Variants in HMGB1 observed in about 807,000 individuals in gnomAD.
HMGB1 encodes the protein high mobility group protein B1.
For missense variants in HMGB1, 79 were observed against 253.5 expected (o/e 0.31, Z 4.67); for synonymous variants, 81 against 84.0 (o/e 0.96, Z 0.19).
chr13:30,488,860 C>T (rs1887424266), intron 1 of HMGB1, among the ~76,000 whole-genome samples: 1 of 151,688 alleles, frequency 6.6e-6, no homozygotes, highest in African/African-American at 2.4e-5. Context: ...CTTATGCTGT[C>T]CTCCACACAC....
At chr13:30,561,146 C>T (rs1350332795) in intron 1 of HMGB1, among the ~76,000 whole-genome samples, 1 of 136,682 alleles carries the variant, frequency 7.3e-6, no homozygotes, top group Admixed American at 6.8e-5. Flanking sequence ...AAGACTGAGA[C>T]ACATTTGGTA....
intron 1 of HMGB1, among the ~76,000 whole-genome samples, chr13:30,514,954 A>G (rs761716888): frequency 1.1e-4 from 16 of 152,216 alleles, no homozygotes; most frequent in Non-Finnish European, 2.1e-4. Context: ...AGTGAGTATG[A>G]CGAGAGTTGA....
chr13:30,599,651 C>A (rs1182995286), intron 1 of HMGB1, among the ~76,000 whole-genome samples: 1 of 152,194 alleles, frequency 6.6e-6, no homozygotes, highest in Non-Finnish European at 1.5e-5. Flanking sequence ...AATGTCCTCA[C>A]ATAGCTGTCC....
At chr13:30,489,922 A>C (rs1887446202) in intron 1 of HMGB1, among the ~76,000 whole-genome samples, 1 of 149,494 alleles carries the variant, frequency 6.7e-6, no homozygotes, top group Admixed American at 6.8e-5. Context: ...TTTAGTAGAG[A>C]CGGGGTTTCA....
chr13:30,564,681 G>A (rs1870113955), intron 1 of HMGB1, among the ~76,000 whole-genome samples: 1 of 152,146 alleles, frequency 6.6e-6, no homozygotes, highest in Non-Finnish European at 1.5e-5. Context: ...TATCTTTAGT[G>A]GATTCAGCAG....
At chr13:30,555,144 C>T (rs545925044) in intron 1 of HMGB1, among the ~76,000 whole-genome samples, 1 of 150,158 alleles carries the variant, frequency 6.7e-6, no homozygotes, top group Non-Finnish European at 1.5e-5. Context: ...TGGGTTCACG[C>T]CATTCTCCTG....
chr13:30,595,533 C>T (rs927335502), intron 1 of HMGB1, among the ~76,000 whole-genome samples: 29 of 152,214 alleles, frequency 1.9e-4, no homozygotes, highest in African/African-American at 7.0e-4. Flanking sequence ...TGCTGCGTAG[C>T]ATATTTCCTT....
chr13:30,592,870 T>TAA (rs1370630067), intron 1 of HMGB1, among the ~76,000 whole-genome samples: 1,950 of 149,488 alleles, frequency 0.013, 34 homozygotes, highest in African/African-American at 0.044. Context: ...GTGCTTTTTT[T>TAA]TAAAAAAAAA....
At chr13:30,615,266 T>C (rs1181776797) in intron 1 of HMGB1, among the ~76,000 whole-genome samples, 1 of 152,236 alleles carries the variant, frequency 6.6e-6, no homozygotes, top group South Asian at 2.1e-4. Flanking sequence ...TTTTTAAATA[T>C]ACACATGCAT....
At chr13:30,546,452 A>G (rs1454005461) in intron 1 of HMGB1, among the ~76,000 whole-genome samples, 1 of 151,748 alleles carries the variant, frequency 6.6e-6, no homozygotes. Flanking sequence ...TGGTTTCCTA[A>G]CTACACTGTT....
chr13:30,594,252 C>T (rs1871502351), intron 1 of HMGB1, among the ~76,000 whole-genome samples: 1 of 152,150 alleles, frequency 6.6e-6, no homozygotes, highest in South Asian at 2.1e-4. Context: ...TCCGGGGATA[C>T]ACGTGCAGTT....
intron 1 of HMGB1, among the ~76,000 whole-genome samples, chr13:30,528,278 T>C (rs1888415381): frequency 1.3e-5 from 2 of 152,328 alleles, no homozygotes; most frequent in Admixed American, 1.3e-4. Flanking sequence ...CCTTCTTTCA[T>C]GGCCAACCAC....
At chr13:30,488,649 TTATTATTATTATTA>T (rs1887416867) in intron 1 of HMGB1, among the ~76,000 whole-genome samples, 1 of 1,918 alleles carries the variant, frequency 5.2e-4, no homozygotes. Context: ...TTTAATTTTA[TTATTATTATTATTA>T]TTATTATTAT....
chr13:30,498,074 A>G (rs1887652516), intron 1 of HMGB1, among the ~76,000 whole-genome samples: 2 of 152,232 alleles, frequency 1.3e-5, no homozygotes, highest in Non-Finnish European at 2.9e-5. Context: ...CATTCCTACC[A>G]GCAGTGTGTA....
At position 30,594,838 on chromosome 13, in the gene HMGB1, G is replaced by A. The variant is rs183088739; in HGVS notation, c.-15+21833C>T. ...TTGCATTCCCACCAACGGCGTGTAA[G>A]TGTTCCCTTTTCTCCACGGCCTCGC... On this transcript the variant is annotated intron_variant, in intron 1 of 4. Coordinates refer to the HMGB1 transcript ENST00000405805. Among the ~76,000 whole-genome samples, 5 of 152,308 alleles carry A rather than the reference G, an allele frequency of 3.3e-5. No homozygotes were observed. In the South Asian group the frequency reaches 6.2e-4, roughly 19 times the overall value.
chr13:30,586,644 A>G (rs1871167868), intron 1 of HMGB1, among the ~76,000 whole-genome samples: 1 of 151,432 alleles, frequency 6.6e-6, no homozygotes, highest in African/African-American at 2.4e-5. Flanking sequence ...GTGCCACCAT[A>G]CCCAGCTAAT....
chr13:30,603,095 C>T (rs1415541927), intron 1 of HMGB1, among the ~76,000 whole-genome samples: 2 of 152,204 alleles, frequency 1.3e-5, no homozygotes, highest in Non-Finnish European at 1.5e-5. Flanking sequence ...GTATAAGCCA[C>T]CGTGCAGCCT....
chr13:30,475,045 CTTT>C (rs749159763), intron 1 of HMGB1, among the ~76,000 whole-genome samples: 8 of 55,120 alleles, frequency 1.5e-4, no homozygotes, highest in African/African-American at 2.5e-4. Context: ...CTCTCTCTCT[CTTT>C]TTTTTTTTTT....
At position 30,561,814 on chromosome 13, in the gene HMGB1, G is replaced by C. The variant is rs192413920; in HGVS notation, c.-15+54857C>G. Among the ~76,000 whole-genome samples, 12 of 152,252 alleles carry C rather than the reference G, an allele frequency of 7.9e-5. No individual in the cohort carries two copies. The East Asian group carries it at 2.3e-3, about 29-fold the overall frequency. On this transcript the variant is annotated intron_variant, in intron 1 of 4. Coordinates refer to the HMGB1 transcript ENST00000405805. ...ACAGACCTGGAAGACAGAAGACAAAGCGGATCATCAAGATAGTGGAATTTA... is the reference window on the plus strand; with the variant it reads ...ACAGACCTGGAAGACAGAAGACAAACCGGATCATCAAGATAGTGGAATTTA...
Sources: allele counts gnomAD v4.1 joint callset (sites outside exome capture counted in the v4.1 genomes callset), GRCh38; gene constraint gnomAD v4.1.1; transcripts MANE v1.5; gene names NCBI Gene and HGNC (gene_info 2026-07-23, HGNC 2026-07-21).